OTX2: variants seen among roughly 807,000 people sequenced by gnomAD.
The protein encoded by OTX2 is homeobox protein OTX2.
Under a neutral mutation model 29.0 loss-of-function variants are expected in OTX2, and 4 were observed. The observed-to-expected ratio is 0.14, with a 90% CI of 0.07 to 0.32. The LOEUF (loss-of-function observed/expected upper bound fraction) is 0.32. Among genes scored for constraint, OTX2 ranks in the 10% least tolerant of loss-of-function variants. The pLI, the probability that OTX2 is intolerant of heterozygous loss-of-function variation, is 1.00. For missense variants in OTX2, 298 were observed against 365.9 expected (o/e 0.81, Z 1.51); for synonymous variants, 134 against 141.0 (o/e 0.95, Z 0.35).
rs1594953058 is a variant in OTX2, at chr14:56,802,442, T to G, written c.274-87A>C. On this transcript the variant is annotated intron_variant, in intron 4 of 4. Coordinates refer to ENST00000672264, the MANE Select transcript of OTX2 (RefSeq NM_021728.4). The surrounding 1 kb of genome is among the most constrained non-coding windows in gnomAD (Gnocchi z 4.4). ...TCCCGTATTATAAATCTATCCTACA[T>G]GGGCAGATCAGCTAAACACACAATT... 7.0e-7 allele frequency: 1 copy of G among 1,426,258 alleles called. No homozygotes were observed. The highest frequency in any genetic ancestry group is 2.3e-5 in the East Asian group (1 of 44,074). 88.4% of individuals were successfully genotyped at this position (1,426,258 alleles called of 1,614,324 possible).
chr14:56,804,153 A>G lies in OTX2; in HGVS notation c.273+35T>C, dbSNP rs1891991800. The stretch of plus-strand genomic sequence containing the variant: ...TCCCATACTCGGGAAGGGTGGCATG[A>G]TCAGGAAGGATGGTTCTGCCTGCAT... On this transcript the variant is annotated intron_variant, in intron 4 of 4. Coordinates refer to ENST00000672264, the MANE Select transcript of OTX2 (RefSeq NM_021728.4). The surrounding 1 kb of genome is among the most constrained non-coding windows in gnomAD (Gnocchi z 4.1). The G allele has an allele frequency of 6.2e-7, 1 of 1,612,546 alleles. No homozygotes were observed. The highest frequency in any genetic ancestry group is 1.7e-5 in the Admixed American group (1 of 60,004).
rs544670847 is a variant in OTX2, at chr14:56,800,574, T to G, written c.*1161A>C. The stretch of plus-strand genomic sequence containing the variant: ...ATTCATATCTATTTTATGCATAGAT[T>G]AGCAAAAAAAAAAAGTAAAAATAAG... On this transcript the variant is annotated 3_prime_UTR_variant, in exon 5 of 5. Transcript: ENST00000672264. 1.7e-4 allele frequency: 26 copies of G among 151,660 alleles called. No individual in the cohort carries two copies. Among genetic ancestry groups the G allele is most frequent in the Admixed American group, 1.2e-3 (19 of 15,254 alleles). The allele number at this position is 151,660 out of a possible 1,614,324, so 9.4% of individuals were successfully genotyped here.
In OTX2 at chr14:56,801,966, G is replaced by A. The variant is rs142743327; in HGVS notation, c.663C>T (p.Pro221=). 458 of 1,614,028 alleles carry A rather than the reference G, an allele frequency of 2.8e-4. 5 individuals are homozygous for A. Among genetic ancestry groups the A allele is most frequent in the Non-Finnish European group, 2.7e-4 (313 of 1,180,042 alleles). ...TGGGACTGAGTGTGGCCCCTGGTCC[G>A]GGAAGCTGGTGATGCATAGGGGTCA... ...SYLTPMHHQL[P]GPGATLSPMG... Residue 221 remains proline (P), a synonymous_variant, in exon 5 of 5, where the codon CCC becomes CCT. Transcript: ENST00000672264. The surrounding 1 kb of genome is among the most constrained non-coding windows in gnomAD (Gnocchi z 4.2).
rs990697953 is a variant in OTX2 at position 56,802,324 on chromosome 14, C to T, written c.305G>A (p.Arg102His). ...ATTCTGCTGTTGTTGCTGTTGTTGG[C>T]GGCACTTAGCTCTTCGATTCTTAAA... ...VWFKNRRAKC[R>H]QQQQQQQNGG... is the part of the protein sequence containing the mutation. Residue 102 changes from arginine to histidine, a missense_variant, in exon 5 of 5, where the codon CGC (arginine) becomes CAC (histidine). Arg to His is a conservative substitution (Grantham distance 29). Coordinates refer to ENST00000672264, the MANE Select transcript of OTX2 (RefSeq NM_021728.4). This position sits in a 1 kb window ranked among gnomAD's most constrained non-coding sequence, Gnocchi z 4.4. 8 of 1,614,032 alleles carry T rather than the reference C, an allele frequency of 5.0e-6. No homozygotes were observed. Among genetic ancestry groups the T allele is most frequent in the Non-Finnish European group, 6.8e-6 (8 of 1,180,014 alleles).
At position 56,804,456 on chromosome 14, in the gene OTX2, C is replaced by T; in HGVS notation, c.98-93G>A. On this transcript the variant is annotated intron_variant, in intron 3 of 4. Coordinates refer to ENST00000672264, the MANE Select transcript of OTX2 (RefSeq NM_021728.4). The surrounding 1 kb of genome is among the most constrained non-coding windows in gnomAD (Gnocchi z 4.1). ...CACCCCGCAGCAGTCCCCCGTTCCT[C>T]ACAGCCCTTCAGCCGGGAGCCTACC... 2.4e-6 allele frequency: 3 copies of T among 1,232,184 alleles called. No homozygotes were observed. The highest frequency in any genetic ancestry group is 2.2e-6 in the Non-Finnish European group (2 of 894,154). The allele number at this position is 1,232,184 out of a possible 1,614,324, so 76.3% of individuals were successfully genotyped here.
rs144786245 is a variant in OTX2, at chr14:56,803,122, G to A, written c.274-767C>T. Among the ~76,000 whole-genome samples, 448 of 152,278 alleles carry A rather than the reference G, an allele frequency of 2.9e-3. 3 individuals are homozygous for A. Among genetic ancestry groups the A allele is most frequent in the African/African-American group, 0.01 (425 of 41,556 alleles). ...TACTGACTTACCACTTCAACCCCCT[G>A]CTGCAATCTTGACAATTCTCTTTAC... On this transcript the variant is annotated intron_variant, in intron 4 of 4. Coordinates refer to ENST00000672264, the MANE Select transcript of OTX2 (RefSeq NM_021728.4).
chr14:56,804,055 C>T lies in OTX2; in HGVS notation c.273+133G>A. On this transcript the variant is annotated intron_variant, in intron 4 of 4. Coordinates refer to ENST00000672264, the MANE Select transcript of OTX2 (RefSeq NM_021728.4). This position sits in a 1 kb window ranked among gnomAD's most constrained non-coding sequence, Gnocchi z 4.1. ...AAAAGGGCAGAAGGAGAATAGTTTC[C>T]TGGCCCCTTAGTGAGTGAAGGAGAA... The T allele has an allele frequency of 9.3e-7, 1 of 1,072,334 alleles. No individual in the cohort carries two copies. Among genetic ancestry groups the T allele is most frequent in the Non-Finnish European group, 1.4e-6 (1 of 712,674 alleles). The allele number at this position is 1,072,334 out of a possible 1,614,324, so 66.4% of individuals were successfully genotyped here.
Position 56,802,691 on chromosome 14 carries a change from T to G in OTX2, c.274-336A>C, listed in dbSNP as rs530728627. On this transcript the variant is annotated intron_variant, in intron 4 of 4. Transcript: ENST00000672264. This position sits in a 1 kb window ranked among gnomAD's most constrained non-coding sequence, Gnocchi z 4.4. ...CATACACATAGACCCAGCTATATTT[T>G]GGAACACTCTCACAGAGGAATAGAA... Among the ~76,000 whole-genome samples the G allele has an allele frequency of 8.5e-5, 13 of 152,362 alleles. No homozygotes were observed. The highest frequency in any genetic ancestry group is 6.5e-5 in the Admixed American group (1 of 15,304).
rs1891988319 is a variant in OTX2, at chr14:56,804,056, T to C, written c.273+132A>G. 1.9e-6 allele frequency: 2 copies of C among 1,078,664 alleles called. No homozygotes were observed. Among genetic ancestry groups the C allele is most frequent in the African/African-American group, 1.6e-5 (1 of 64,426 alleles). The allele number at this position is 1,078,664 out of a possible 1,614,324, so 66.8% of individuals were successfully genotyped here. ...AAAGGGCAGAAGGAGAATAGTTTCC[T>C]GGCCCCTTAGTGAGTGAAGGAGAAT... On this transcript the variant is annotated intron_variant, in intron 4 of 4. Transcript: ENST00000672264. The surrounding 1 kb of genome is among the most constrained non-coding windows in gnomAD (Gnocchi z 4.1).
At chr14:56,806,085 C>T (rs1459048958) in intron 2 of OTX2, among the ~76,000 whole-genome samples, 1 of 152,138 alleles carries the variant, frequency 6.6e-6, no homozygotes, top group Non-Finnish European at 1.5e-5. Flanking sequence ...CAGACTGTTG[C>T]CTTTCCATGG....
intron 2 of OTX2, chr14:56,806,741 C>T (rs891483285): frequency 3.3e-5 from 5 of 152,128 alleles, no homozygotes; most frequent in Admixed American, 1.3e-4. Context: ...AAAAAGAGCT[C>T]AAGGGGGAAA....
Position 56,809,484 on chromosome 14 carries a change from G to A in OTX2, c.-120+675C>T, listed in dbSNP as rs183309380. On this transcript the variant is annotated intron_variant, in intron 2 of 4. Coordinates refer to ENST00000672264, the MANE Select transcript of OTX2 (RefSeq NM_021728.4). ...AGACAACCGAGCTGTGCTAGGCTGA[G>A]GGAGAGGAGGCCAAAGAGAGCGAGC... Among the ~76,000 whole-genome samples the A allele has an allele frequency of 1.5e-3, 221 of 152,364 alleles. 1 individual carries two copies. Among genetic ancestry groups the A allele is most frequent in the African/African-American group, 5.0e-3 (207 of 41,594 alleles).
At chr14:56,805,663 A>G in intron 2 of OTX2, 88 bp from the exon 3 acceptor site, 1 of 594,676 alleles carries the variant, frequency 1.7e-6, no homozygotes, top group Non-Finnish European at 3.1e-6. Context: ...TAACTTAAAA[A>G]GAGCACGGAC....
chr14:56,808,193 TA>T (rs1566626955), intron 2 of OTX2, among the ~76,000 whole-genome samples: 1 of 152,134 alleles, frequency 6.6e-6, no homozygotes, highest in Non-Finnish European at 1.5e-5. Context: ...GTCCGAGAAT[TA>T]ATTATAATAA....
intron 2 of OTX2, among the ~76,000 whole-genome samples, chr14:56,806,114 T>C (rs967356845): frequency 1.3e-5 from 2 of 152,174 alleles, no homozygotes; most frequent in South Asian, 2.1e-4. Flanking sequence ...TTAATTATCT[T>C]AGCTTTTTAC....
In OTX2 at chr14:56,805,524, C is replaced by T; in HGVS notation, c.-68G>A. On this transcript the variant is annotated 5_prime_UTR_variant, in exon 3 of 5. Coordinates refer to ENST00000672264, the MANE Select transcript of OTX2 (RefSeq NM_021728.4). Reference sequence around the variant, plus strand: ...TACCCAGCTGGAAGATCTTGATGCGCCCGGGGTGGACAGGTTCAGAGTCCT... The same window carrying T: ...TACCCAGCTGGAAGATCTTGATGCGTCCGGGGTGGACAGGTTCAGAGTCCT... 1 of 983,814 alleles carries T rather than the reference C, an allele frequency of 1.0e-6. No homozygotes were observed. The highest frequency in any genetic ancestry group is 1.3e-5 in the South Asian group (1 of 75,206). The allele number at this position is 983,814 out of a possible 1,614,324, so 60.9% of individuals were successfully genotyped here.
intron 2 of OTX2, among the ~76,000 whole-genome samples, chr14:56,808,105 C>A (rs1333894070): frequency 5.9e-5 from 8 of 135,224 alleles, no homozygotes; most frequent in African/African-American, 2.3e-4. Flanking sequence ...GCTTCTCCCT[C>A]CCCCACGCCT....
rs945186505 is a variant in OTX2 at position 56,801,191 on chromosome 14, A to C, written c.*544T>G. Reference sequence around the variant, plus strand: ...ACACTGATTGTCTCTTAAACTACATATTGACTCCTTATGAACATTATTTTT... The same window carrying C: ...ACACTGATTGTCTCTTAAACTACATCTTGACTCCTTATGAACATTATTTTT... On this transcript the variant is annotated 3_prime_UTR_variant, in exon 5 of 5. Transcript: ENST00000672264. This position sits in a 1 kb window ranked among gnomAD's most constrained non-coding sequence, Gnocchi z 4.2. 1 of 178,966 alleles carries C rather than the reference A, an allele frequency of 5.6e-6. No individual in the cohort carries two copies. 11.1% of individuals were successfully genotyped at this position (178,966 alleles called of 1,614,324 possible).
At position 56,804,376 on chromosome 14, in the gene OTX2, G is replaced by A. The variant is rs377556215; in HGVS notation, c.98-13C>T. The A allele has an allele frequency of 6.2e-7, 1 of 1,610,792 alleles. No individual in the cohort carries two copies. Among genetic ancestry groups the A allele is most frequent in the Non-Finnish European group, 8.5e-7 (1 of 1,178,322 alleles). ...GAAGCCCAGGGCCCTTTAGGGTGGG[G>A]GAGCAGTTTCTCAGTCATAGGCGTT... On this transcript the variant is annotated splice_polypyrimidine_tract_variant and intron_variant, in intron 3 of 4. Transcript: ENST00000672264. This position sits in a 1 kb window ranked among gnomAD's most constrained non-coding sequence, Gnocchi z 4.1.
Sources: gnomAD v4.1 joint callset for allele counts (sites outside exome capture counted in the v4.1 genomes callset) on GRCh38, gnomAD v4.1.1 for gene constraint, Gnocchi (gnomAD v3.1) non-coding constraint, MANE v1.5 for transcripts, NCBI Gene and HGNC (gene_info 2026-07-23, HGNC 2026-07-21) for gene names.